The following ZBTB16 variants were observed in gnomAD, a reference collection of about 807,000 sequenced individuals.
The protein encoded by ZBTB16 is zinc finger and BTB domain containing 16, also known as zinc finger and BTB domain-containing protein 16.
Under a neutral mutation model 56.8 loss-of-function variants are expected in ZBTB16, and 8 were observed. The ratio of observed to expected loss-of-function variants is 0.14; its 90% confidence interval spans 0.08 to 0.25. ZBTB16 has a LOEUF of 0.25. Ranked by LOEUF, ZBTB16 falls within the 10% of genes least tolerant of loss-of-function variation. The pLI is 1.00. For missense variants in ZBTB16, 625 were observed against 903.0 expected (o/e 0.69, Z 3.95); for synonymous variants, 363 against 368.5 (o/e 0.98, Z 0.17).
chr11:114,228,449 G>A (rs1944373573), intron 4 of ZBTB16, among the ~76,000 whole-genome samples: 1 of 152,182 alleles, frequency 6.6e-6, no homozygotes, highest in Admixed American at 6.5e-5. Context: ...ATTTCAGTTG[G>A]AGGTTGGTGA....
intron 4 of ZBTB16, among the ~76,000 whole-genome samples, chr11:114,222,628 G>T (rs1341337666): frequency 6.6e-6 from 1 of 152,116 alleles, no homozygotes; most frequent in Admixed American, 6.6e-5. Flanking sequence ...CTTTGGCCAG[G>T]ACTGAGAGCA....
In ZBTB16 at chr11:114,143,418, G is replaced by T. The variant is rs1036213457; in HGVS notation, c.1269-12919G>T. ...GAAACACACTTAAAAGACAGAGGCT[G>T]GGGGGGAAAGGGGGTCAGCTTTGAG... On this transcript the variant is annotated intron_variant, in intron 2 of 6. Coordinates refer to ENST00000335953, the MANE Select transcript of ZBTB16 (RefSeq NM_006006.6). This position sits in a 1 kb window ranked among gnomAD's most constrained non-coding sequence, Gnocchi z 6.4. Among the ~76,000 whole-genome samples the T allele has an allele frequency of 3.3e-5, 5 of 152,046 alleles. No individual in the cohort carries two copies. The highest frequency in any genetic ancestry group is 7.4e-5 in the Non-Finnish European group (5 of 67,998).
intron 3 of ZBTB16, among the ~76,000 whole-genome samples, chr11:114,167,378 G>GT (rs200560793): frequency 1.1e-4 from 9 of 80,668 alleles, no homozygotes; most frequent in African/African-American, 6.5e-4. Context: ...ACCAGGGCGA[G>GT]TTTTTTTGTT....
chr11:114,203,857 C>A (rs959515932), intron 4 of ZBTB16, among the ~76,000 whole-genome samples: 1 of 152,142 alleles, frequency 6.6e-6, no homozygotes, highest in Middle Eastern at 3.2e-3. Context: ...CCTCCCCATT[C>A]CTCCATTTTC....
intron 2 of ZBTB16, among the ~76,000 whole-genome samples, chr11:114,091,844 G>C (rs238941): frequency 6.6e-6 from 1 of 151,898 alleles, no homozygotes. Flanking sequence ...CCTCTCCTAA[G>C]CCGGTCAAGC....
At chr11:114,180,111 C>T (rs529164844) in intron 3 of ZBTB16, among the ~76,000 whole-genome samples, 34 of 152,278 alleles carry the variant, frequency 2.2e-4, no homozygotes, top group African/African-American at 7.2e-4. Flanking sequence ...GTCTTTCCAC[C>T]GAACTTTAAC....
chr11:114,199,389 C>T (rs114225116), intron 4 of ZBTB16, among the ~76,000 whole-genome samples: 2,640 of 147,364 alleles, frequency 0.018, 66 homozygotes, highest in African/African-American at 0.059. Flanking sequence ...CGCTGGGCCC[C>T]GGGACGGGGA....
rs375763696 is a variant in ZBTB16, at chr11:114,161,699, T to C, written c.1366+5265T>C. On this transcript the variant is annotated intron_variant, in intron 3 of 6. Transcript: ENST00000335953. ...GTTTAGAAGAGATGGACGAGATACATCTGTGGAAGGAATAGCAAAATGATC... is the reference window on the plus strand; with the variant it reads ...GTTTAGAAGAGATGGACGAGATACACCTGTGGAAGGAATAGCAAAATGATC... Among the ~76,000 whole-genome samples the C allele has an allele frequency of 3.0e-4, 46 of 152,210 alleles. No individual in the cohort carries two copies. The South Asian group carries it at 9.5e-3, about 32-fold the overall frequency.
At chr11:114,073,044 A>T (rs1223366329) in intron 2 of ZBTB16, among the ~76,000 whole-genome samples, 2 of 114,976 alleles carry the variant, frequency 1.7e-5, no homozygotes, top group Non-Finnish European at 3.5e-5. Context: ...CAAAGGAGTG[A>T]GACTGTCTCA....
chr11:114,118,410 C>G (rs541284036), intron 2 of ZBTB16, among the ~76,000 whole-genome samples: 2 of 152,252 alleles, frequency 1.3e-5, no homozygotes, highest in Non-Finnish European at 2.9e-5. Flanking sequence ...CTCCTGGCCT[C>G]AAGTGATCTG....
At position 114,063,699 on chromosome 11, in the gene ZBTB16, G is replaced by A. The variant is rs35616762; in HGVS notation, c.399G>A (p.Thr133=). 1.2e-3 allele frequency: 1,910 copies of A among 1,614,044 alleles called. 24 individuals are homozygous for A. The African/African-American group carries it at 0.022, about 19-fold the overall frequency. Residue 133 remains threonine, a synonymous_variant, in exon 2 of 7, where the codon ACG becomes ACA. Transcript: ENST00000335953. This position sits in a 1 kb window ranked among gnomAD's most constrained non-coding sequence, Gnocchi z 6.5. ...TCCAGGCCTCAGACGACAATGACAC[G>A]GAGGCCACCATGGCCGATGGCGGGG... ...ETIQASDDND[T]EATMADGGAE...
intron 4 of ZBTB16, among the ~76,000 whole-genome samples, chr11:114,230,964 G>A (rs546665843): frequency 8.9e-4 from 136 of 152,076 alleles, no homozygotes; most frequent in South Asian, 6.9e-3. Flanking sequence ...GGGTTTACTG[G>A]AAATTTTACA....
intron 2 of ZBTB16, among the ~76,000 whole-genome samples, chr11:114,152,000 T>A (rs1942289726): frequency 6.6e-6 from 1 of 152,234 alleles, no homozygotes; most frequent in African/African-American, 2.4e-5. Flanking sequence ...CAGGTTGGTC[T>A]AATGGCTTCA....
intron 4 of ZBTB16, among the ~76,000 whole-genome samples, chr11:114,229,850 G>A (rs1944401614): frequency 6.6e-6 from 1 of 152,170 alleles, no homozygotes; most frequent in Non-Finnish European, 1.5e-5. Flanking sequence ...GCCGGGGCAG[G>A]CAGGGGTTGG....
intron 2 of ZBTB16, among the ~76,000 whole-genome samples, chr11:114,146,272 C>T (rs1942098387): frequency 6.6e-6 from 1 of 151,946 alleles, no homozygotes; most frequent in African/African-American, 2.4e-5. Flanking sequence ...GGAGAAAATC[C>T]CAGGAATGCT....
At chr11:114,105,501 A>G (rs1940759039) in intron 2 of ZBTB16, among the ~76,000 whole-genome samples, 1 of 152,114 alleles carries the variant, frequency 6.6e-6, no homozygotes. Context: ...TGGCATCCCA[A>G]AATGCTGGGA....
At chr11:114,116,049 A>T (rs955561190) in intron 2 of ZBTB16, among the ~76,000 whole-genome samples, 3 of 152,202 alleles carry the variant, frequency 2.0e-5, no homozygotes, top group Admixed American at 2.0e-4. Flanking sequence ...ATTTGCAAGA[A>T]AATTTTCATT....
chr11:114,189,996 TAAA>T (rs34944383), intron 4 of ZBTB16, among the ~76,000 whole-genome samples: 2 of 152,142 alleles, frequency 1.3e-5, no homozygotes, highest in African/African-American at 4.8e-5. Flanking sequence ...TATTTGGCCT[TAAA>T]AAGGAATGAA....
chr11:114,176,126 G>A (rs1236110890), intron 3 of ZBTB16, among the ~76,000 whole-genome samples: 1 of 152,062 alleles, frequency 6.6e-6, no homozygotes, highest in Non-Finnish European at 1.5e-5. Flanking sequence ...GATGAGAGGA[G>A]ACCGAAGGCT....
Sources: allele counts gnomAD v4.1 joint callset (sites outside exome capture counted in the v4.1 genomes callset), GRCh38; gene constraint gnomAD v4.1.1; non-coding constraint Gnocchi (gnomAD v3.1); transcripts MANE v1.5; gene names NCBI Gene and HGNC (gene_info 2026-07-23, HGNC 2026-07-21).